Variants in CDKN1C observed in about 807,000 individuals in gnomAD.
CDKN1C encodes the protein cyclin-dependent kinase inhibitor 1C.
In CDKN1C, 7 loss-of-function variants were observed where a neutral mutation model predicts 16.5. The observed-to-expected ratio is 0.42, with a 90% CI of 0.24 to 0.80. CDKN1C has a LOEUF of 0.80. CDKN1C is among the 30% of genes least tolerant of loss of function. The pLI is 0.26. For synonymous variants in CDKN1C, 288 were observed against 214.4 expected, an observed-to-expected ratio of 1.34 and a Z score of -3.00; for missense variants, 429 against 437.3, an observed-to-expected ratio of 0.98 and a Z score of 0.17.
chr11:2,884,617 G>A (rs1173423932), intron 2 of CDKN1C, 53 bp downstream of exon 2: 3 of 1,131,474 alleles, frequency 2.7e-6, no homozygotes, highest in Non-Finnish European at 2.2e-6. Context: ...GGGACCGGCC[G>A]GCCGGACAAA....
At chr11:2,885,554 G>A (rs1232206193) in intron 1 of CDKN1C, 80 bp downstream of exon 1, 12 of 1,526,714 alleles carry the variant, frequency 7.9e-6, no homozygotes, top group East Asian at 7.4e-5. Context: ...GGGGAAAGGA[G>A]AGGAGGAGAG....
At position 2,884,911 on chromosome 11, in the gene CDKN1C, A is replaced by T; in HGVS notation, c.546T>A (p.Ala182=). The T allele has an allele frequency of 2.5e-6, 2 of 803,750 alleles. No homozygotes were observed. Among genetic ancestry groups the T allele is most frequent in the Non-Finnish European group, 3.0e-6 (2 of 667,532 alleles). The allele number at this position is 803,750 out of a possible 1,614,324, so 49.8% of individuals were successfully genotyped here. Residue 182 remains alanine (A), a synonymous_variant, in exon 2 of 4, where the codon GCT becomes GCA. Transcript: ENST00000440480. The part of the protein sequence containing the change: ...APAPAPAPAP[A]PVAAPAPAPA... ...GGGCTGGGGCCGGGGCCGCGACTGG[A>T]GCCGGGGCCGGAGCCGGAGCCGGAG...
At position 2,883,808 on chromosome 11, in the gene CDKN1C, C is replaced by T. The variant is rs1455284745; in HGVS notation, c.*113G>A. Reference sequence around the variant, plus strand: ...AAAAACAAAACCGAACGCTGCTCTGCGGCAGCCGCCGCCGGTTGCTGCTAC... The same window carrying T: ...AAAAACAAAACCGAACGCTGCTCTGTGGCAGCCGCCGCCGGTTGCTGCTAC... On this transcript the variant is annotated 3_prime_UTR_variant, in exon 4 of 4. Transcript: ENST00000440480. 3.5e-5 allele frequency: 53 copies of T among 1,518,700 alleles called. No homozygotes were observed. The highest frequency in any genetic ancestry group is 3.2e-5 in the Non-Finnish European group (36 of 1,138,506). The allele number at this position is 1,518,700 out of a possible 1,614,324, so 94.1% of individuals were successfully genotyped here.
At chr11:2,884,600 G>A in intron 2 of CDKN1C, 70 bp downstream of exon 2, 1 of 1,006,910 alleles carries the variant, frequency 9.9e-7, no homozygotes, top group South Asian at 3.9e-5. Context: ...GGCCCCCGAG[G>A]GCTGGGGGGA....
Position 2,883,834 on chromosome 11 carries a change from A to G in CDKN1C, c.*87T>C. The G allele has an allele frequency of 3.3e-6, 5 of 1,537,708 alleles. No homozygotes were observed. Among genetic ancestry groups the G allele is most frequent in the Non-Finnish European group, 4.4e-6 (5 of 1,144,388 alleles). On this transcript the variant is annotated 3_prime_UTR_variant, in exon 4 of 4. Transcript: ENST00000440480. ...GGCAGCCGCCGCCGGTTGCTGCTAC[A>G]TGAACGGTCCCAGCCGAGGCCCAGC...
rs1240499527 is a variant in CDKN1C at position 2,883,776 on chromosome 11, A to G, written c.*145T>C. On this transcript the variant is annotated 3_prime_UTR_variant, in exon 4 of 4. Coordinates refer to ENST00000440480, the MANE Select transcript of CDKN1C (RefSeq NM_001122630.2). ...GTTATTAATACATTGCACAGTTTTC[A>G]AAATTTAAAAACAAAACCGAACGCT... The G allele has an allele frequency of 1.3e-5, 19 of 1,481,730 alleles. No homozygotes were observed. Among genetic ancestry groups the G allele is most frequent in the Middle Eastern group, 4.3e-4 (2 of 4,606 alleles). 91.8% of individuals were successfully genotyped at this position (1,481,730 alleles called of 1,614,324 possible). A position where few individuals can be genotyped will look rare whatever the true frequency, so the allele number is the denominator to read the frequency against.
intron 2 of CDKN1C, chr11:2,884,437 C>G (rs1362406382): frequency 3.6e-6 from 1 of 279,282 alleles, no homozygotes; most frequent in Admixed American, 5.3e-5. Flanking sequence ...AACTGCGCTC[C>G]CGGGGGGTCG....
Position 2,885,257 on chromosome 11 carries a change from T to G in CDKN1C, c.200A>C (p.Gln67Pro). ...CGAGTCGCTGTCCACTTCGGTCCAC[T>G]GCAGGCGTCCAGGGCCCCGCAGCGG... ...DMPLRGPGRL[Q>P]WTEVDSDSVP... Residue 67 changes from glutamine to proline, a missense_variant, in exon 2 of 4, where the codon CAG becomes CCG. Gln to Pro is a moderately conservative substitution (Grantham distance 76). Transcript: ENST00000440480. The G allele has an allele frequency of 6.4e-7, 1 of 1,569,474 alleles. No homozygotes were observed. Among genetic ancestry groups the G allele is most frequent in the Non-Finnish European group, 8.6e-7 (1 of 1,159,140 alleles).
At position 2,885,654 on chromosome 11, in the gene CDKN1C, T is replaced by A; in HGVS notation, c.-31A>T. ...GCTACCTGGCTGTCCGGTGGTGGAC[T>A]CTTCTGCGTCGGGTTCGCCTGTCTC... On this transcript the variant is annotated 5_prime_UTR_variant, in exon 1 of 4. Transcript: ENST00000440480. The A allele has an allele frequency of 1.2e-6, 1 of 812,664 alleles. No individual in the cohort carries two copies. Among genetic ancestry groups the A allele is most frequent in the Non-Finnish European group, 1.9e-6 (1 of 522,934 alleles). The allele number at this position is 812,664 out of a possible 1,614,324, so 50.3% of individuals were successfully genotyped here.
chr11:2,883,408 G>C lies in CDKN1C; in HGVS notation c.*513C>G, dbSNP rs1848846030. 6.2e-6 allele frequency: 1 copy of C among 161,014 alleles called. No individual in the cohort carries two copies. The highest frequency in any genetic ancestry group is 6.4e-5 in the Admixed American group (1 of 15,676). 10.0% of individuals were successfully genotyped at this position (161,014 alleles called of 1,614,324 possible). ...GGCATGTATGGCAGCTACAGCTTGT[G>C]AGTGACCCCCTTCCCCAGAGTCCGC... On this transcript the variant is annotated 3_prime_UTR_variant, in exon 4 of 4. Coordinates refer to ENST00000440480, the MANE Select transcript of CDKN1C (RefSeq NM_001122630.2).
chr11:2,884,894 GCCGGGGCCGCGA>G lies in CDKN1C; in HGVS notation c.551_562del (p.Val184_Pro187del). 1.2e-6 allele frequency: 1 copy of G among 865,756 alleles called. No homozygotes were observed. Among genetic ancestry groups the G allele is most frequent in the Non-Finnish European group, 1.4e-6 (1 of 714,714 alleles). The allele number at this position is 865,756 out of a possible 1,614,324, so 53.6% of individuals were successfully genotyped here. A position where few individuals can be genotyped will look rare whatever the true frequency, so the allele number is the denominator to read the frequency against. On this transcript the variant is annotated inframe_deletion, in exon 2 of 4. Transcript: ENST00000440480. ...GGCCGGGGCCGGGGCCGGGGCTGGG[GCCGGGGCCGCGA>G]CTGGAGCCGGGGCCGGAGCCGGAGC...
Position 2,885,449 on chromosome 11 carries a change from C to T in CDKN1C, c.8G>A (p.Arg3His). Residue 3 changes from arginine (R) to histidine (H), a missense_variant, in exon 2 of 4, where the codon CGT becomes CAT. Transcript: ENST00000440480. ME[R>H]LVARGTFPVL... ...TGGGAAGGTCCCACGGGCGACAAGA[C>T]GCTCCATCGTGGATGTGCTGCGGAG... The T allele has an allele frequency of 1.3e-6, 2 of 1,546,782 alleles. No homozygotes were observed. Among genetic ancestry groups the T allele is most frequent in the East Asian group, 2.4e-5 (1 of 40,992 alleles).
At position 2,883,810 on chromosome 11, in the gene CDKN1C, G is replaced by A; in HGVS notation, c.*111C>T. The A allele has an allele frequency of 1.3e-6, 2 of 1,519,624 alleles. No homozygotes were observed. Among genetic ancestry groups the A allele is most frequent in the Middle Eastern group, 1.8e-4 (1 of 5,414 alleles). The allele number at this position is 1,519,624 out of a possible 1,614,324, so 94.1% of individuals were successfully genotyped here. The stretch of plus-strand genomic sequence containing the variant: ...AAACAAAACCGAACGCTGCTCTGCG[G>A]CAGCCGCCGCCGGTTGCTGCTACAT... On this transcript the variant is annotated 3_prime_UTR_variant, in exon 4 of 4. Coordinates refer to ENST00000440480, the MANE Select transcript of CDKN1C (RefSeq NM_001122630.2).
chr11:2,884,860 GGGGGCC>G lies in CDKN1C; in HGVS notation c.591_596del (p.Ala204_Pro205del), dbSNP rs759134767. ...CCGCGTCCGGGGCCGGGGCCGGGGC[GGGGGCC>G]GGGGCCGGGGCCGGGGCCGGGGCTG... On this transcript the variant is annotated inframe_deletion, in exon 2 of 4. Transcript: ENST00000440480. 1.5e-3 allele frequency: 1,562 copies of G among 1,022,866 alleles called. 22 individuals carry two copies. In the Admixed American group the frequency reaches 0.035, roughly 23 times the overall value. 63.4% of individuals were successfully genotyped at this position (1,022,866 alleles called of 1,614,324 possible). A position where few individuals can be genotyped will look rare whatever the true frequency, so the allele number is the denominator to read the frequency against.
chr11:2,885,492 C>A lies in CDKN1C; in HGVS notation c.-10-26G>T, dbSNP rs772497485. 3.2e-6 allele frequency: 5 copies of A among 1,541,948 alleles called. No individual in the cohort carries two copies. In the Admixed American group the frequency reaches 9.8e-5, roughly 30 times the overall value. Reference sequence around the variant, plus strand: ...CTGCGGAGGGACGCGTCGGACATGGCCCGGGGCTGCGCAAACGCGGGCAGC... The same window carrying A: ...CTGCGGAGGGACGCGTCGGACATGGACCGGGGCTGCGCAAACGCGGGCAGC... On this transcript the variant is annotated intron_variant, in intron 1 of 3. Transcript: ENST00000440480.
Position 2,883,628 on chromosome 11 carries a change from TTTTTC to T in CDKN1C, c.*288_*292del. ...TTTTATTTTTTCCTTTTTTTTTTCT[TTTTTC>T]TTTTTTTTGCACTGAGTTTCAGCAG... is the stretch of plus-strand genomic sequence containing the variant. On this transcript the variant is annotated 3_prime_UTR_variant, in exon 4 of 4. Transcript: ENST00000440480. 1.6e-6 allele frequency: 1 copy of T among 613,842 alleles called. No individual in the cohort carries two copies. Among genetic ancestry groups the T allele is most frequent in the Non-Finnish European group, 2.4e-6 (1 of 416,092 alleles). 38.0% of individuals were successfully genotyped at this position (613,842 alleles called of 1,614,324 possible). A position where few individuals can be genotyped will look rare whatever the true frequency, so the allele number is the denominator to read the frequency against.
At chr11:2,884,189 G>A in intron 2 of CDKN1C, 55 bp from the exon 3 acceptor site, 16 of 1,260,686 alleles carry the variant, frequency 1.3e-5, no homozygotes, top group Non-Finnish European at 1.6e-5. Context: ...GGAGACCCGA[G>A]AGGGGGCCGG....
In CDKN1C at chr11:2,885,115, G is replaced by C. The variant is rs1404253864; in HGVS notation, c.342C>G (p.Ser114=). The C allele has an allele frequency of 6.8e-7, 1 of 1,462,004 alleles. No individual in the cohort carries two copies. The allele number at this position is 1,462,004 out of a possible 1,614,324, so 90.6% of individuals were successfully genotyped here. ...VSPPLEPAAE[S]LDGLEEAPEQ... Reference sequence around the variant, plus strand: ...CCGGCGCCTCCTCGAGGCCGTCGAGGGACTCAGCGGCCGGCTCGAGGGGCG... The same window carrying C: ...CCGGCGCCTCCTCGAGGCCGTCGAGCGACTCAGCGGCCGGCTCGAGGGGCG... The change falls in exon 2 of 4, where the codon TCC becomes TCG. Residue 114 remains serine (S), a synonymous_variant. Coordinates refer to ENST00000440480, the MANE Select transcript of CDKN1C (RefSeq NM_001122630.2).
At chr11:2,884,644 C>CCGGGG (rs748889587) in intron 2 of CDKN1C, 26 bp downstream of exon 2, 13 of 1,206,314 alleles carry the variant, frequency 1.1e-5, no homozygotes, top group Non-Finnish European at 1.2e-5. Context: ...CCGGGCCGGG[C>CCGGGG]CGGGGCGGGG....
Sources: gnomAD v4.1 joint callset for allele counts on GRCh38, gnomAD v4.1.1 for gene constraint, MANE v1.5 for transcripts, NCBI Gene and HGNC (gene_info 2026-07-23, HGNC 2026-07-21) for gene names.